ERG: variants seen among roughly 807,000 people sequenced by gnomAD.
The protein encoded by ERG is transcriptional regulator ERG.
In ERG, 9 loss-of-function variants were observed where a neutral mutation model predicts 55.3. The observed-to-expected ratio is 0.16, with a 90% confidence interval of 0.10 to 0.28. The LOEUF is 0.28. Among genes scored for constraint, ERG ranks in the 10% least tolerant of loss-of-function variants. The pLI, the probability that ERG is intolerant of heterozygous loss-of-function variation, is 1.00. For missense variants in ERG, 434 were observed against 631.6 expected (o/e 0.69, Z 3.35); for synonymous variants, 223 against 237.3 (o/e 0.94, Z 0.55).
chr21:38,411,706 A>G (rs1212023547), intron 3 of ERG, among the ~76,000 whole-genome samples: 2 of 152,178 alleles, frequency 1.3e-5, no homozygotes, highest in Non-Finnish European at 2.9e-5. Context: ...AGAAATGCAT[A>G]TTCTCTAATT....
intron 1 of ERG, among the ~76,000 whole-genome samples, chr21:38,458,627 C>T (rs10154135): frequency 0.061 from 9,344 of 152,174 alleles, 428 homozygotes; most frequent in Non-Finnish European, 0.092. Context: ...TCCAGGATCT[C>T]GCAAACGTTC....
intron 2 of ERG, among the ~76,000 whole-genome samples, chr21:38,440,985 A>G (rs2058836220): frequency 6.6e-6 from 1 of 152,070 alleles, no homozygotes; most frequent in Non-Finnish European, 1.5e-5. Context: ...ATAGCAGAAC[A>G]CTGACTCACC....
chr21:38,562,492 C>T (rs965093702), intron 2 of ERG, among the ~76,000 whole-genome samples: 2 of 152,088 alleles, frequency 1.3e-5, no homozygotes, highest in African/African-American at 4.8e-5. Flanking sequence ...CAAGGCCTGC[C>T]CTAGACCTAC....
chr21:38,432,187 TG>T (rs564799229), intron 2 of ERG, among the ~76,000 whole-genome samples: 122 of 152,288 alleles, frequency 8.0e-4, no homozygotes, highest in African/African-American at 2.6e-3. Context: ...CTCAAACTCC[TG>T]GGCTCAAGCG....
chr21:38,631,756 G>A (rs958812686), intron 1 of ERG, among the ~76,000 whole-genome samples: 3 of 151,878 alleles, frequency 2.0e-5, no homozygotes, highest in Non-Finnish European at 2.9e-5. Context: ...CTTGGTAGCC[G>A]TGACCCTCAT....
intron 1 of ERG, among the ~76,000 whole-genome samples, chr21:38,474,976 T>G (rs899246027): frequency 5.3e-5 from 8 of 152,168 alleles, no homozygotes; most frequent in African/African-American, 1.9e-4. Flanking sequence ...GCATCTAACC[T>G]GCACACTAGC....
chr21:38,402,473 G>A (rs1988540504), intron 5 of ERG, 84 bp downstream of exon 5: 7 of 978,684 alleles, frequency 7.2e-6, no homozygotes, highest in Middle Eastern at 2.1e-4. Flanking sequence ...CCTGGCACGC[G>A]CTGACTGGTT....
chr21:38,426,930 C>CAAA, intron 2 of ERG, among the ~76,000 whole-genome samples: 1 of 147,800 alleles, frequency 6.8e-6, no homozygotes, highest in South Asian at 2.1e-4. Flanking sequence ...GACTCCATGT[C>CAAA]AAAAAAAAAA....
intron 2 of ERG, among the ~76,000 whole-genome samples, chr21:38,441,719 T>A (rs2058842751): frequency 6.6e-6 from 1 of 152,128 alleles, no homozygotes. Flanking sequence ...TAGGGGACGA[T>A]GACACTTGGT....
At chr21:38,628,907 T>C (rs1038289101) in intron 1 of ERG, among the ~76,000 whole-genome samples, 3 of 152,242 alleles carry the variant, frequency 2.0e-5, no homozygotes, top group African/African-American at 7.2e-5. Flanking sequence ...TACACAGCTT[T>C]AGAGGACTAG....
chr21:38,436,372 T>C (rs1487387960), intron 2 of ERG, among the ~76,000 whole-genome samples: 1 of 152,196 alleles, frequency 6.6e-6, no homozygotes, highest in East Asian at 1.9e-4. Context: ...GTGTAACATA[T>C]ACAAAAAATC....
rs1339057937 is a variant in ERG at position 38,528,605 on chromosome 21, G to A, written c.-41+47057C>T. Among the ~76,000 whole-genome samples, 4 of 94,288 alleles carry A rather than the reference G, an allele frequency of 4.2e-5. 1 individual carries two copies. The highest frequency in any genetic ancestry group is 7.0e-5 in the African/African-American group (2 of 28,680). The allele number at this position is 94,288 out of a possible 152,430, so 61.9% of individuals were successfully genotyped here. ...TGGGACTACAGGCACCCGCCACTAC[G>A]CCCGGCTAATTTTTTTGTATTTTTA... is the stretch of plus-strand genomic sequence containing the variant. On this transcript the variant is annotated intron_variant, in intron 2 of 8. Transcript: ENST00000398897.
At position 38,558,060 on chromosome 21, in the gene ERG, G is replaced by GT. The variant is rs1321023145; in HGVS notation, c.-41+17601_-41+17602insA. Reference sequence around the variant, plus strand: ...GATCTAAATCAGGATGCTAAGTTTTGGGGGGGGGTCCTACAGTTTTGGCAG... The same window carrying GT: ...GATCTAAATCAGGATGCTAAGTTTTGTGGGGGGGGTCCTACAGTTTTGGCAG... On this transcript the variant is annotated intron_variant, in intron 2 of 8. Transcript: ENST00000398897. Among the ~76,000 whole-genome samples the GT allele has an allele frequency of 4.7e-5, 5 of 106,724 alleles. No individual in the cohort carries two copies. In the South Asian group the frequency reaches 9.2e-4, roughly 20 times the overall value. 70.0% of individuals were successfully genotyped at this position (106,724 alleles called of 152,430 possible). A position where few individuals can be genotyped will look rare whatever the true frequency, so the allele number is the denominator to read the frequency against.
intron 2 of ERG, among the ~76,000 whole-genome samples, chr21:38,515,719 T>C (rs929671659): frequency 2.0e-5 from 3 of 151,826 alleles, no homozygotes; most frequent in African/African-American, 7.2e-5. Context: ...AGTATTTTGT[T>C]CAGCAAAAGC....
chr21:38,509,609 C>T (rs181299161), intron 2 of ERG, among the ~76,000 whole-genome samples: 18 of 152,272 alleles, frequency 1.2e-4, no homozygotes, highest in Admixed American at 1.0e-3. Context: ...TTGGTCTTCA[C>T]TCTATGCCTG....
chr21:38,462,781 A>G (rs1308468895), intron 1 of ERG, among the ~76,000 whole-genome samples: 2 of 152,170 alleles, frequency 1.3e-5, no homozygotes, highest in African/African-American at 4.8e-5. Context: ...ACAGTCTACT[A>G]AAGAAGCAGG....
At chr21:38,578,671 C>T (rs1434352596) in intron 1 of ERG, among the ~76,000 whole-genome samples, 2 of 152,112 alleles carry the variant, frequency 1.3e-5, no homozygotes, top group African/African-American at 4.8e-5. Flanking sequence ...CCCACCAAGA[C>T]TACGTTTGAT....
intron 1 of ERG, among the ~76,000 whole-genome samples, chr21:38,646,065 G>C (rs1244723982): frequency 6.6e-6 from 1 of 152,106 alleles, no homozygotes; most frequent in East Asian, 1.9e-4. Context: ...GATCACTTGA[G>C]GTCAGGAGTT....
rs201152530 is a variant in ERG, at chr21:38,445,538, G to A, written c.102C>T (p.Thr34=). The change falls in exon 2 of 10, where the codon ACC becomes ACT. Residue 34 remains threonine (T), a synonymous_variant. Transcript: ENST00000288319. ...GTPHLAKTEM[T]ASSSSDYGQT... The stretch of plus-strand genomic sequence containing the variant: ...GTCCATAGTCGCTGGAGGAGGACGC[G>A]GTCATCTCTGTCTTAGCCAGGTGTG... The A allele has an allele frequency of 4.3e-5, 69 of 1,613,918 alleles. No homozygotes were observed. Among genetic ancestry groups the A allele is most frequent in the South Asian group, 1.9e-4 (17 of 91,080 alleles).
Sources: allele counts gnomAD v4.1 joint callset (sites outside exome capture counted in the v4.1 genomes callset), GRCh38; gene constraint gnomAD v4.1.1; transcripts MANE v1.5; gene names NCBI Gene and HGNC (gene_info 2026-07-23, HGNC 2026-07-21).